Variants in ESYT3 observed in about 807,000 individuals in gnomAD.
ESYT3 encodes the protein extended synaptotagmin-3.
ESYT3 carries 101 observed loss-of-function variants against 111.5 expected under a neutral mutation model. That is an observed-to-expected ratio of 0.91 (90% CI 0.77 to 1.07). The LOEUF is 1.07. Ranked by LOEUF, ESYT3 falls within the 50% of genes least tolerant of loss-of-function variation. The pLI, the probability that ESYT3 is intolerant of heterozygous loss-of-function variation, is 0.00. For synonymous variants in ESYT3, 416 were observed against 446.8 expected (o/e 0.93, Z 0.87); for missense variants, 1,097 against 1,109.4 (o/e 0.99, Z 0.16).
intron 5 of ESYT3, among the ~76,000 whole-genome samples, 175 bp downstream of exon 5, chr3:138,459,428 TG>T (rs1303248224): frequency 1.3e-5 from 2 of 152,156 alleles, no homozygotes; most frequent in African/African-American, 2.4e-5. Context: ...AAGTGGTGGC[TG>T]GGCTTCACCA....
intron 11 of ESYT3, 21 bp from the exon 12 acceptor site, chr3:138,468,084 C>T: frequency 1.9e-6 from 3 of 1,613,322 alleles, no homozygotes; most frequent in African/African-American, 2.7e-5. Context: ...TTTCCCTGAG[C>T]TTTCTGCCCC....
In ESYT3 at chr3:138,474,265, G is replaced by A. The variant is rs746132561; in HGVS notation, c.2381G>A (p.Arg794His). Reference protein sequence around the residue: ...CTSSGADPYVRVYLLPERKWA... With the variant: ...CTSSGADPYVHVYLLPERKWA... Reference sequence around the variant, plus strand: ...AGCAGTGGAGCTGATCCCTACGTCCGTGTCTACTTGTTGCCAGAAAGGAAG... The same window carrying A: ...AGCAGTGGAGCTGATCCCTACGTCCATGTCTACTTGTTGCCAGAAAGGAAG... Residue 794 changes from arginine (R) to histidine (H), a missense_variant, in exon 20 of 23, where the codon CGT (arginine) becomes CAT (histidine). Transcript: ENST00000389567. 2.4e-5 allele frequency: 39 copies of A among 1,611,876 alleles called. No individual in the cohort carries two copies. The highest frequency in any genetic ancestry group is 1.6e-4 in the Middle Eastern group (1 of 6,072).
In ESYT3 at chr3:138,467,582, T is replaced by C. The variant is rs2032994041; in HGVS notation, c.1191T>C (p.Asp397=). Residue 397 remains aspartate, a synonymous_variant, in exon 11 of 23, where the codon GAT becomes GAC. Transcript: ENST00000389567. ...FLGSLQICLG[D]VMTNRVVDEW... is the part of the protein sequence containing the mutation. ...CCAGCCTGCAGATCTGCCTTGGAGATGTCATGACCAACAGAGTGGTGGATG... is the reference window on the plus strand; with the variant it reads ...CCAGCCTGCAGATCTGCCTTGGAGACGTCATGACCAACAGAGTGGTGGATG... 2 of 1,614,042 alleles carry C rather than the reference T, an allele frequency of 1.2e-6. No individual in the cohort carries two copies. The highest frequency in any genetic ancestry group is 1.7e-6 in the Non-Finnish European group (2 of 1,180,030).
rs184373719 is a variant in ESYT3 at position 138,459,703 on chromosome 3, C to A, written c.649-242C>A. Among the ~76,000 whole-genome samples, 459 of 152,334 alleles carry A rather than the reference C, an allele frequency of 3.0e-3. 4 individuals carry two copies. Among genetic ancestry groups the A allele is most frequent in the African/African-American group, 0.011 (443 of 41,576 alleles). ...CTATAGGTCTCTCAGGCCAGCACAC[C>A]CGTGGAAGGCAGTGGGGCCAGCTCA... On this transcript the variant is annotated intron_variant, in intron 5 of 22. Coordinates refer to ENST00000389567, the MANE Select transcript of ESYT3 (RefSeq NM_031913.5).
chr3:138,456,618 C>T (rs1202855900), intron 3 of ESYT3, among the ~76,000 whole-genome samples: 3 of 152,134 alleles, frequency 2.0e-5, no homozygotes, highest in Admixed American at 6.5e-5. Flanking sequence ...AGATCAGCAG[C>T]GGCATTAAAT....
At position 138,434,993 on chromosome 3, in the gene ESYT3, C is replaced by T. The variant is rs1356048607; in HGVS notation, c.195C>T (p.Gly65=). 6 of 1,562,618 alleles carry T rather than the reference C, an allele frequency of 3.8e-6. 1 individual carries two copies. The Middle Eastern group carries it at 6.7e-4, about 173-fold the overall frequency. The change falls in exon 1 of 23, where the codon GGC becomes GGT. Residue 65 remains glycine, a synonymous_variant. Coordinates refer to ENST00000389567, the MANE Select transcript of ESYT3 (RefSeq NM_031913.5). ...LGLSITWLLL[G]ALLWMWWRRN... ...TCAGCATAACCTGGTTGCTGCTCGGCGCCCTGCTGTGGATGTGGTGGCGCA... is the reference window on the plus strand; with the variant it reads ...TCAGCATAACCTGGTTGCTGCTCGGTGCCCTGCTGTGGATGTGGTGGCGCA...
chr3:138,460,652 T>C lies in ESYT3; in HGVS notation c.780T>C (p.Asp260=). 6 of 1,614,018 alleles carry C rather than the reference T, an allele frequency of 3.7e-6. No individual in the cohort carries two copies. Among genetic ancestry groups the C allele is most frequent in the Non-Finnish European group, 5.1e-6 (6 of 1,179,926 alleles). ...INWTGLTNLL[D]APGINDVSDS... The stretch of plus-strand genomic sequence containing the variant: ...GGACTGGCCTGACCAACCTGCTGGA[T>C]GCGCCGGGAATCAAGTAGGTGCCTG... Residue 260 remains aspartate (D), a synonymous_variant, in exon 7 of 23, where the codon GAT becomes GAC. Transcript: ENST00000389567.
At chr3:138,467,410 A>G (rs1248516836) in intron 10 of ESYT3, 151 bp from the exon 11 acceptor site, 1 of 771,638 alleles carries the variant, frequency 1.3e-6, no homozygotes, top group African/African-American at 1.7e-5. Flanking sequence ...ACTCGAGCTG[A>G]TGGTGGTCTC....
intron 19 of ESYT3, among the ~76,000 whole-genome samples, chr3:138,473,861 C>T (rs1185403410): frequency 6.6e-6 from 1 of 152,220 alleles, no homozygotes; most frequent in East Asian, 1.9e-4. Context: ...GGGCTTTGCT[C>T]AGACGCAACC....
In ESYT3 at chr3:138,472,716, A is replaced by G; in HGVS notation, c.2094A>G (p.Pro698=). ...TGACTGTCCCAGGTCCCCACTCTCCAGGGCCCATCAAGTCACCCAGACCCA... is the reference window on the plus strand; with the variant it reads ...TGACTGTCCCAGGTCCCCACTCTCCGGGGCCCATCAAGTCACCCAGACCCA... ...IFLTVPGPHS[P]GPIKSPRPMK... is the part of the protein sequence containing the mutation. Residue 698 remains proline, a synonymous_variant, in exon 18 of 23, where the codon CCA becomes CCG. Transcript: ENST00000389567. 2 of 1,614,120 alleles carry G rather than the reference A, an allele frequency of 1.2e-6. No individual in the cohort carries two copies. Among genetic ancestry groups the G allele is most frequent in the Non-Finnish European group, 1.7e-6 (2 of 1,180,018 alleles).
chr3:138,465,634 T>TG (rs776794332), intron 10 of ESYT3, among the ~76,000 whole-genome samples: 1 of 152,162 alleles, frequency 6.6e-6, no homozygotes, highest in Non-Finnish European at 1.5e-5. Context: ...ACCTAGGCCC[T>TG]GGGGGGTACA....
At chr3:138,444,308 C>T (rs546262511) in intron 1 of ESYT3, among the ~76,000 whole-genome samples, 3 of 152,320 alleles carry the variant, frequency 2.0e-5, no homozygotes, top group Non-Finnish European at 4.4e-5. Context: ...ATTTAAACTT[C>T]TCTGACAGGT....
chr3:138,472,630 G>A lies in ESYT3; in HGVS notation c.2008G>A (p.Asp670Asn). ...QETGPEPKGK[D>N]SAKRFCEPIG... Reference sequence around the variant, plus strand: ...GACAGGCCCAGAGCCTAAAGGCAAGGACAGTGCCAAAAGGTTCTGTGAGCC... The same window carrying A: ...GACAGGCCCAGAGCCTAAAGGCAAGAACAGTGCCAAAAGGTTCTGTGAGCC... Residue 670 changes from aspartate (D) to asparagine (N), a missense_variant, in exon 18 of 23, where the codon GAC becomes AAC. Physicochemically the swap from Asp to Asn is conservative, Grantham distance 23. Transcript: ENST00000389567. 1 of 1,614,200 alleles carries A rather than the reference G, an allele frequency of 6.2e-7. No homozygotes were observed. The highest frequency in any genetic ancestry group is 8.5e-7 in the Non-Finnish European group (1 of 1,180,028).
In ESYT3 at chr3:138,474,211, A is replaced by G. The variant is rs1290150195; in HGVS notation, c.2337-10A>G. 1.2e-6 allele frequency: 2 copies of G among 1,607,784 alleles called. No homozygotes were observed. The highest frequency in any genetic ancestry group is 1.4e-5 in the African/African-American group (1 of 74,002). The stretch of plus-strand genomic sequence containing the variant: ...TTTTTTTTTTCCTAATGTCTTTGAC[A>G]CCAAATCAGAAACCTAACACCATGT... On this transcript the variant is annotated splice_polypyrimidine_tract_variant and intron_variant, in intron 19 of 22. Transcript: ENST00000389567.
At position 138,446,052 on chromosome 3, in the gene ESYT3, C is replaced by G. The variant is rs147153577; in HGVS notation, c.328-5996C>G. ...ATCTTGTTTAAGTACTAACTAGTCT[C>G]TGAGTCTCCTCATTTGTAAAAGGGG... On this transcript the variant is annotated intron_variant, in intron 1 of 22. Transcript: ENST00000389567. 8.5e-4 allele frequency among the ~76,000 whole-genome samples: 130 copies of G among 152,286 alleles called. 1 individual carries two copies. The highest frequency in any genetic ancestry group is 2.7e-3 in the African/African-American group (114 of 41,558).
chr3:138,471,328 T>A (rs529798969), intron 17 of ESYT3, among the ~76,000 whole-genome samples: 1 of 152,356 alleles, frequency 6.6e-6, no homozygotes, highest in East Asian at 1.9e-4. Flanking sequence ...CTTCTCTGTA[T>A]TCATGGTGGT....
At chr3:138,471,749 G>A (rs2033230281) in intron 17 of ESYT3, among the ~76,000 whole-genome samples, 1 of 152,116 alleles carries the variant, frequency 6.6e-6, no homozygotes, top group South Asian at 2.1e-4. Flanking sequence ...AGTACCTCAG[G>A]TGCATTACAA....
chr3:138,440,819 C>A lies in ESYT3; in HGVS notation c.327+5694C>A, dbSNP rs2031088696. Among the ~76,000 whole-genome samples the A allele has an allele frequency of 6.6e-6, 1 of 152,198 alleles. No individual in the cohort carries two copies. Among genetic ancestry groups the A allele is most frequent in the Non-Finnish European group, 1.5e-5 (1 of 68,040 alleles). On this transcript the variant is annotated intron_variant, in intron 1 of 22. Coordinates refer to ENST00000389567, the MANE Select transcript of ESYT3 (RefSeq NM_031913.5). The surrounding 1 kb of genome is among the most constrained non-coding windows in gnomAD (Gnocchi z 4.2). ...GCCCAACAGAGGGATCTTAGGCATA[C>A]ATGTGTTCATTCCTATACTCACTCA...
At chr3:138,469,833 A>G (rs2033125690) in intron 15 of ESYT3, among the ~76,000 whole-genome samples, 1 of 152,138 alleles carries the variant, frequency 6.6e-6, no homozygotes, top group Non-Finnish European at 1.5e-5. Context: ...TCTAAGGCCA[A>G]TATGATTTTC....
Sources: gnomAD v4.1 joint callset for allele counts (sites outside exome capture counted in the v4.1 genomes callset) on GRCh38, gnomAD v4.1.1 for gene constraint, Gnocchi (gnomAD v3.1) non-coding constraint, MANE v1.5 for transcripts, NCBI Gene and HGNC (gene_info 2026-07-23, HGNC 2026-07-21) for gene names.